The following APTX variants were observed in gnomAD, a reference collection of about 807,000 sequenced individuals.
APTX encodes forkhead-associated domain histidine triad-like protein.
In APTX, 33 loss-of-function variants were observed where a neutral mutation model predicts 42.3. The observed-to-expected ratio is 0.78, with a 90% CI of 0.59 to 1.04. APTX has a LOEUF of 1.04. Ranked by LOEUF, APTX falls within the 50% of genes least tolerant of loss-of-function variation. The probability of loss-of-function intolerance (pLI) is 0.00; values close to 1 mark genes in which losing one functional copy is unlikely to be tolerated. For synonymous variants in APTX, 130 were observed against 146.7 expected, an observed-to-expected ratio of 0.89 and a Z score of 0.82; for missense variants, 421 against 415.1, an observed-to-expected ratio of 1.01 and a Z score of -0.12.
At chr9:32,974,319 C>T in intron 7 of APTX, 139 bp downstream of exon 7, 1 of 659,148 alleles carries the variant, frequency 1.5e-6, no homozygotes. Context: ...AGTTTCTTTT[C>T]ACAGGGCTCG....
At chr9:32,977,965 T>C (rs1829846836) in intron 6 of APTX, among the ~76,000 whole-genome samples, 1 of 152,250 alleles carries the variant, frequency 6.6e-6, no homozygotes, top group South Asian at 2.1e-4. Flanking sequence ...TTTAAAAATC[T>C]AATTTGTAGG....
intron 7 of APTX, among the ~76,000 whole-genome samples, chr9:32,974,035 C>A (rs763841553): frequency 3.3e-5 from 5 of 152,018 alleles, no homozygotes; most frequent in Non-Finnish European, 7.4e-5. Flanking sequence ...GCATCACACA[C>A]CAGAAAATGC....
chr9:32,995,585 A>T (rs1487207978), intron 1 of APTX, among the ~76,000 whole-genome samples: 1 of 152,214 alleles, frequency 6.6e-6, no homozygotes, highest in African/African-American at 2.4e-5. Flanking sequence ...TGTAATGAAC[A>T]TTACCAAAAC....
rs138094201 is a variant in APTX, at chr9:32,977,489, A to C, written c.771-2928T>G. Among the ~76,000 whole-genome samples, 335 of 152,136 alleles carry C rather than the reference A, an allele frequency of 2.2e-3. 2 individuals are homozygous for C. The highest frequency in any genetic ancestry group is 7.8e-3 in the African/African-American group (323 of 41,474). On this transcript the variant is annotated intron_variant, in intron 6 of 7. Transcript: ENST00000379817. Reference sequence around the variant, plus strand: ...AGAGGGTGAGACTCCCATCTCTTAAAACAAAAACGAAAACAAAAAATGAAT... The same window carrying C: ...AGAGGGTGAGACTCCCATCTCTTAACACAAAAACGAAAACAAAAAATGAAT...
intron 1 of APTX, among the ~76,000 whole-genome samples, chr9:33,017,928 G>GCCCCCCC (rs59841021): frequency 2.1e-4 from 15 of 70,806 alleles, no homozygotes; most frequent in South Asian, 4.8e-4. Flanking sequence ...AGCAACCAGC[G>GCCCCCCC]CCCCCCCCCC....
chr9:32,981,240 A>C (rs1830617229), intron 6 of APTX, among the ~76,000 whole-genome samples: 1 of 152,244 alleles, frequency 6.6e-6, no homozygotes, highest in South Asian at 2.1e-4. Flanking sequence ...CTGAACAAGT[A>C]AATGAATTTA....
At chr9:33,023,064 A>C (rs1189775647) in intron 1 of APTX, among the ~76,000 whole-genome samples, 1 of 152,074 alleles carries the variant, frequency 6.6e-6, no homozygotes, top group Non-Finnish European at 1.5e-5. Context: ...CCGGGACTCA[A>C]GGGATCCGCC....
In APTX at chr9:32,980,896, G is replaced by C. The variant is rs528676517; in HGVS notation, c.770+3735C>G. 3.3e-5 allele frequency among the ~76,000 whole-genome samples: 5 copies of C among 152,272 alleles called. No homozygotes were observed. The East Asian group carries it at 7.7e-4, about 23-fold the overall frequency. Reference sequence around the variant, plus strand: ...AAGTAGAATGCCTTTTTGTATAACAGCTTTCACTCTTATAATCAGTAATAT... The same window carrying C: ...AAGTAGAATGCCTTTTTGTATAACACCTTTCACTCTTATAATCAGTAATAT... On this transcript the variant is annotated intron_variant, in intron 6 of 7. Coordinates refer to ENST00000379817, the MANE Select transcript of APTX (RefSeq NM_001195248.2).
chr9:32,984,917 G>A, intron 5 of APTX, 60 bp from the exon 6 acceptor site: 1 of 1,461,284 alleles, frequency 6.8e-7, no homozygotes. Context: ...TGTGTGCCTG[G>A]TTGTTATATT....
intron 1 of APTX, among the ~76,000 whole-genome samples, chr9:33,013,820 C>G (rs1298257725): frequency 6.6e-6 from 1 of 152,042 alleles, no homozygotes. Context: ...AAAACAAAAA[C>G]AAGACCAAGC....
intron 1 of APTX, among the ~76,000 whole-genome samples, chr9:32,993,916 A>G (rs773800138): frequency 9.2e-5 from 14 of 151,986 alleles, no homozygotes; most frequent in Non-Finnish European, 1.9e-4. Context: ...ACGGGGTTTC[A>G]CCATGTTGGC....
chr9:32,987,936 G>A, intron 3 of APTX, 90 bp from the exon 4 acceptor site: 1 of 1,540,588 alleles, frequency 6.5e-7, no homozygotes, highest in Non-Finnish European at 8.9e-7. Flanking sequence ...CTTACTATAT[G>A]CCAAGCACCT....
chr9:32,998,678 C>T (rs552981447), intron 1 of APTX, among the ~76,000 whole-genome samples: 1 of 151,884 alleles, frequency 6.6e-6, no homozygotes, highest in African/African-American at 2.4e-5. Flanking sequence ...AATGAGAACA[C>T]ATGGGCAGAG....
chr9:32,975,142 G>C (rs929933009), intron 6 of APTX, among the ~76,000 whole-genome samples: 3 of 152,000 alleles, frequency 2.0e-5, no homozygotes, highest in Non-Finnish European at 4.4e-5. Flanking sequence ...AGAGAAAGAA[G>C]GTAATATGGC....
intron 7 of APTX, among the ~76,000 whole-genome samples, chr9:32,973,975 A>G (rs1828710787): frequency 6.6e-6 from 1 of 151,848 alleles, no homozygotes; most frequent in Non-Finnish European, 1.5e-5. Flanking sequence ...ACACCCCATC[A>G]ATGCTTAAGT....
chr9:33,023,352 A>G (rs1016415353), intron 1 of APTX, among the ~76,000 whole-genome samples: 3 of 151,894 alleles, frequency 2.0e-5, no homozygotes, highest in African/African-American at 7.3e-5. Flanking sequence ...GCCTCCTGAG[A>G]AGGTGGGACT....
chr9:32,999,771 C>A (rs1835817704), intron 1 of APTX, among the ~76,000 whole-genome samples: 2 of 151,972 alleles, frequency 1.3e-5, no homozygotes, highest in South Asian at 4.1e-4. Context: ...GTCAGGAGAT[C>A]AAGACCATCC....
At chr9:33,013,271 T>C (rs1837664387) in intron 1 of APTX, among the ~76,000 whole-genome samples, 1 of 152,214 alleles carries the variant, frequency 6.6e-6, no homozygotes, top group African/African-American at 2.4e-5. Context: ...TATCCACTTT[T>C]ACAGACAAGG....
chr9:32,992,229 CAAAGA>C (rs938597476), intron 1 of APTX, among the ~76,000 whole-genome samples: 9 of 151,964 alleles, frequency 5.9e-5, no homozygotes, highest in Non-Finnish European at 8.8e-5. Flanking sequence ...TGTCCATAAG[CAAAGA>C]AAAAAGAAAC....
Sources: allele counts gnomAD v4.1 joint callset (sites outside exome capture counted in the v4.1 genomes callset), GRCh38; gene constraint gnomAD v4.1.1; transcripts MANE v1.5; gene names NCBI Gene and HGNC (gene_info 2026-07-23, HGNC 2026-07-21).